The following TMSB15B variants were observed in gnomAD, a reference collection of about 807,000 sequenced individuals.
The protein encoded by TMSB15B is thymosin beta-15B.
chrX:103,950,247 T>C (rs1231782264), intron 1 of TMSB15B, among the ~76,000 whole-genome samples: 1 of 111,099 alleles, frequency 9.0e-6, no homozygotes, highest in African/African-American at 3.3e-5. Flanking sequence ...GTAGTCAAAA[T>C]AGGTATCTGG....
chrX:103,950,708 A>G (rs2075037091), intron 1 of TMSB15B, among the ~76,000 whole-genome samples: 1 of 110,103 alleles, frequency 9.1e-6, no homozygotes, highest in African/African-American at 3.3e-5. Context: ...GCCTGTTTTT[A>G]TATATATGTA....
chrX:103,936,852 A>T (rs1602438811), intron 1 of TMSB15B, among the ~76,000 whole-genome samples: 1 of 112,336 alleles, frequency 8.9e-6, no homozygotes, highest in East Asian at 2.8e-4. Flanking sequence ...TGTTTTTAGC[A>T]TTAATGGGTG....
intron 1 of TMSB15B, among the ~76,000 whole-genome samples, chrX:103,925,082 CT>C (rs782786311): frequency 3.6e-5 from 4 of 111,809 alleles, no homozygotes; most frequent in Admixed American, 1.9e-4. Context: ...CCAGAAGCAT[CT>C]TTTTTTTGGA....
Position 103,940,632 on chromosome X carries a change from C to T in TMSB15B, c.-721+21340C>T, listed in dbSNP as rs142665076. Among the ~76,000 whole-genome samples the T allele has an allele frequency of 6.1e-3, 674 of 111,335 alleles. 2 individuals are homozygous for T. Among genetic ancestry groups the T allele is most frequent in the Non-Finnish European group, 9.5e-3 (506 of 53,054 alleles). On this transcript the variant is annotated intron_variant, in intron 1 of 3. Transcript: ENST00000419165. ...GGATCCGCTGAGCAAGACCACTTGG[C>T]CCCCTGGCTTCAGTCCCCTTTCCAG... is the stretch of plus-strand genomic sequence containing the variant.
intron 1 of TMSB15B, among the ~76,000 whole-genome samples, chrX:103,951,855 G>A (rs1164871077): frequency 1.8e-5 from 2 of 111,395 alleles, no homozygotes; most frequent in African/African-American, 6.5e-5. Flanking sequence ...AAAGAAAATA[G>A]GGTCCAAAGT....
At chrX:103,938,219 G>T (rs1416399832) in intron 1 of TMSB15B, among the ~76,000 whole-genome samples, 2 of 111,699 alleles carry the variant, frequency 1.8e-5, no homozygotes, top group Admixed American at 9.5e-5. Context: ...GAACATTCTT[G>T]TTAATTTTCT....
chrX:103,930,696 A>C (rs1181734287), intron 1 of TMSB15B, among the ~76,000 whole-genome samples: 1 of 99,951 alleles, frequency 1.0e-5, no homozygotes, highest in Non-Finnish European at 2.0e-5. Flanking sequence ...TAGTGGATTT[A>C]GTTTTGTGCT....
chrX:103,927,029 C>A (rs2074970238), intron 1 of TMSB15B, among the ~76,000 whole-genome samples: 1 of 111,133 alleles, frequency 9.0e-6, no homozygotes, highest in Non-Finnish European at 1.9e-5. Context: ...TCTGAGCATT[C>A]ATTTTTTTTC....
chrX:103,939,431 T>C (rs1392844635), intron 1 of TMSB15B, among the ~76,000 whole-genome samples: 1 of 109,511 alleles, frequency 9.1e-6, no homozygotes, highest in Non-Finnish European at 1.9e-5. Flanking sequence ...TATCCTTTCT[T>C]CCGCTTGATC....
intron 1 of TMSB15B, among the ~76,000 whole-genome samples, chrX:103,922,022 T>G (rs2074954536): frequency 9.0e-6 from 1 of 110,847 alleles, no homozygotes; most frequent in Non-Finnish European, 1.9e-5. Flanking sequence ...TTAGACCGAT[T>G]GCAGCTTTTA....
intron 1 of TMSB15B, among the ~76,000 whole-genome samples, chrX:103,949,259 A>C (rs1379102117): frequency 2.7e-5 from 3 of 111,948 alleles, no homozygotes; most frequent in Non-Finnish European, 5.6e-5. Flanking sequence ...TCCAAGTGGA[A>C]TACGGTGTCT....
intron 1 of TMSB15B, among the ~76,000 whole-genome samples, chrX:103,947,072 G>C (rs2075027464): frequency 9.2e-6 from 1 of 108,319 alleles, no homozygotes; most frequent in African/African-American, 3.4e-5. Flanking sequence ...ATTCACTAAG[G>C]ACATTATGAA....
intron 1 of TMSB15B, among the ~76,000 whole-genome samples, chrX:103,924,578 G>A (rs1405383732): frequency 9.0e-6 from 1 of 111,597 alleles, no homozygotes; most frequent in Non-Finnish European, 1.9e-5. Context: ...GGCACTTGAG[G>A]GCAGGCACCA....
intron 1 of TMSB15B, chrX:103,931,262 A>C (rs2074984175): frequency 8.9e-6 from 1 of 112,056 alleles, no homozygotes; most frequent in African/African-American, 3.2e-5. Context: ...TTTATCTCCT[A>C]ATTACACTGG....
chrX:103,927,274 G>A (rs868925995), intron 1 of TMSB15B, among the ~76,000 whole-genome samples: 17 of 112,034 alleles, frequency 1.5e-4, no homozygotes, highest in East Asian at 8.4e-4. Context: ...CTACCAGCAC[G>A]CACTCAGCCG....
At chrX:103,940,888 G>GA (rs1193558858) in intron 1 of TMSB15B, among the ~76,000 whole-genome samples, 2 of 111,545 alleles carry the variant, frequency 1.8e-5, no homozygotes, top group Non-Finnish European at 3.8e-5. Flanking sequence ...AAGACCTTGG[G>GA]AAAAGCTTAG....
At chrX:103,953,991 C>T (rs1309826863) in intron 1 of TMSB15B, among the ~76,000 whole-genome samples, 1 of 111,822 alleles carries the variant, frequency 8.9e-6, no homozygotes, top group Non-Finnish European at 1.9e-5. Context: ...TTGCTTGTCA[C>T]CACACAGGAA....
intron 1 of TMSB15B, among the ~76,000 whole-genome samples, chrX:103,927,870 G>A (rs1271731996): frequency 9.0e-6 from 1 of 111,203 alleles, no homozygotes; most frequent in Non-Finnish European, 1.9e-5. Flanking sequence ...CAGAAAAACC[G>A]ATTGCCTTTC....
chrX:103,942,313 C>T (rs1313918742), intron 1 of TMSB15B, among the ~76,000 whole-genome samples: 2 of 111,523 alleles, frequency 1.8e-5, no homozygotes, highest in Non-Finnish European at 3.8e-5. Flanking sequence ...GAATAGAGGT[C>T]CAATGTTTTC....
Sources: gnomAD v4.1 joint callset for allele counts (sites outside exome capture counted in the v4.1 genomes callset) on GRCh38, gnomAD v4.1.1 for gene constraint, MANE v1.5 for transcripts, NCBI Gene and HGNC (gene_info 2026-07-23, HGNC 2026-07-21) for gene names.